The following CBLIF variants were observed in gnomAD, a reference collection of about 807,000 sequenced individuals.
CBLIF encodes the protein cobalamin binding intrinsic factor.
A neutral mutation model predicts 44.9 loss-of-function variants in CBLIF; 24 were observed. The ratio of observed to expected loss-of-function variants is 0.53; its 90% confidence interval spans 0.39 to 0.75. The LOEUF (loss-of-function observed/expected upper bound fraction) is 0.75, where lower values mean the gene tolerates loss of function less well. Among genes scored for constraint, CBLIF ranks in the 30% least tolerant of loss-of-function variants. CBLIF has a pLI of 0.00. For synonymous variants in CBLIF, 183 were observed against 190.9 expected (o/e 0.96, Z 0.34); for missense variants, 481 against 513.0 (o/e 0.94, Z 0.60).
At chr11:59,834,692 T>C (rs536629673) in intron 7 of CBLIF, among the ~76,000 whole-genome samples, 88 of 152,202 alleles carry the variant, frequency 5.8e-4, no homozygotes, top group South Asian at 1.9e-3. Flanking sequence ...GTGCCTGGAC[T>C]ATACCGCCAA....
At chr11:59,842,643 A>G in intron 3 of CBLIF, 60 bp from the exon 4 acceptor site, 1 of 1,545,384 alleles carries the variant, frequency 6.5e-7, no homozygotes. Flanking sequence ...GGACATTTGC[A>G]AAGAAGGAAA....
intron 3 of CBLIF, 89 bp downstream of exon 3, chr11:59,842,939 C>T: frequency 1.2e-6 from 1 of 839,076 alleles, no homozygotes; most frequent in Non-Finnish European, 2.1e-6. Context: ...TTGCCTTTCT[C>T]TCCACCCCCA....
chr11:59,838,235 A>T (rs886587932), intron 5 of CBLIF, among the ~76,000 whole-genome samples: 1 of 152,214 alleles, frequency 6.6e-6, no homozygotes, highest in East Asian at 1.9e-4. Flanking sequence ...ACACCAAGCC[A>T]TTCAGCCATT....
At chr11:59,830,661 A>G (rs1866362407) in intron 8 of CBLIF, among the ~76,000 whole-genome samples, 1 of 152,162 alleles carries the variant, frequency 6.6e-6, no homozygotes, top group Non-Finnish European at 1.5e-5. Flanking sequence ...AATGATGATT[A>G]ATATTTTTGA....
intron 8 of CBLIF, 85 bp downstream of exon 8, chr11:59,831,593 G>A: frequency 1.4e-6 from 1 of 739,000 alleles, no homozygotes; most frequent in Non-Finnish European, 2.5e-6. Flanking sequence ...TTAAGTGAAT[G>A]AATGAATAAA....
At chr11:59,834,020 C>T (rs1225726035) in intron 7 of CBLIF, among the ~76,000 whole-genome samples, 2 of 152,172 alleles carry the variant, frequency 1.3e-5, no homozygotes, top group African/African-American at 4.8e-5. Flanking sequence ...TTACTAACTT[C>T]TTTGGGCCTA....
At chr11:59,833,588 A>G (rs1387828767) in intron 7 of CBLIF, among the ~76,000 whole-genome samples, 1 of 152,112 alleles carries the variant, frequency 6.6e-6, no homozygotes, top group Non-Finnish European at 1.5e-5. Flanking sequence ...AAGTTAGGGA[A>G]GTTATGGAGT....
In CBLIF at chr11:59,831,615, A is replaced by C. The variant is rs935792932; in HGVS notation, c.1192+63T>G. On this transcript the variant is annotated intron_variant, in intron 8 of 8. Coordinates refer to ENST00000257248, the MANE Select transcript of CBLIF (RefSeq NM_005142.3). The stretch of plus-strand genomic sequence containing the variant: ...AATGAATGAATAAATTAAATGAAAA[A>C]ATAATTAAAGAATGTAGCCTTCAGA... The C allele has an allele frequency of 7.6e-6, 6 of 785,722 alleles. No individual in the cohort carries two copies. In the African/African-American group the frequency reaches 1.0e-4, roughly 14 times the overall value. 48.7% of individuals were successfully genotyped at this position (785,722 alleles called of 1,614,324 possible).
intron 5 of CBLIF, among the ~76,000 whole-genome samples, chr11:59,838,447 A>T (rs968476352): frequency 6.6e-6 from 1 of 152,130 alleles, no homozygotes; most frequent in Non-Finnish European, 1.5e-5. Context: ...TAATAGGCTG[A>T]GATTGTTAAT....
intron 6 of CBLIF, among the ~76,000 whole-genome samples, chr11:59,836,553 A>G (rs1440469260): frequency 1.3e-5 from 2 of 152,198 alleles, no homozygotes; most frequent in African/African-American, 4.8e-5. Context: ...TTTTTAATTA[A>G]AAAGTGGCAT....
Position 59,829,566 on chromosome 11 carries a change from A to T in CBLIF, c.1193-21T>A. 3 of 1,527,302 alleles carry T rather than the reference A, an allele frequency of 2.0e-6. No homozygotes were observed. In the South Asian group the frequency reaches 3.4e-5, roughly 17 times the overall value. 94.6% of individuals were successfully genotyped at this position (1,527,302 alleles called of 1,614,324 possible). A position where few individuals can be genotyped will look rare whatever the true frequency, so the allele number is the denominator to read the frequency against. On this transcript the variant is annotated intron_variant, in intron 8 of 8. Coordinates refer to ENST00000257248, the MANE Select transcript of CBLIF (RefSeq NM_005142.3). ...AACCCCTGGAAATAAGCAGAGAATA[A>T]CATGAGGTGACTGTGGTGCATGTAA...
chr11:59,842,446 C>T lies in CBLIF; in HGVS notation c.508G>A (p.Val170Ile), dbSNP rs762982325. The T allele has an allele frequency of 6.2e-7, 1 of 1,613,672 alleles. No homozygotes were observed. The highest frequency in any genetic ancestry group is 8.5e-7 in the Non-Finnish European group (1 of 1,180,028). Reference sequence around the variant, plus strand: ...GGGGTAGTGGTGACCTACTCACCTACATTGAAGGGAGAGGAGTTGGCCAGC... The same window carrying T: ...GGGGTAGTGGTGACCTACTCACCTATATTGAAGGGAGAGGAGTTGGCCAGC... ...TLLANSSPFNVDTGAMATLAL... is the reference protein window; with the variant it reads ...TLLANSSPFNIDTGAMATLAL... Residue 170 changes from valine to isoleucine, a missense_variant, in exon 4 of 9, where the codon GTA becomes ATA. Transcript: ENST00000257248.
chr11:59,836,065 T>C, intron 6 of CBLIF, 56 bp from the exon 7 acceptor site: 1 of 1,397,128 alleles, frequency 7.2e-7, no homozygotes, highest in Non-Finnish European at 1.0e-6. Context: ...GTATCATAGG[T>C]GCAAAATCTC....
intron 7 of CBLIF, among the ~76,000 whole-genome samples, chr11:59,832,593 G>T (rs999461535): frequency 2.8e-4 from 43 of 152,192 alleles, no homozygotes; most frequent in African/African-American, 9.9e-4. Flanking sequence ...TTCGAGACCA[G>T]CCTTGGCAAT....
chr11:59,833,711 T>A (rs1326123031), intron 7 of CBLIF, among the ~76,000 whole-genome samples: 4 of 152,172 alleles, frequency 2.6e-5, no homozygotes, highest in Admixed American at 2.6e-4. Context: ...CTTCTTGATA[T>A]CTTCCTGAAG....
chr11:59,831,281 G>A lies in CBLIF; in HGVS notation c.1192+397C>T, dbSNP rs1429682221. Among the ~76,000 whole-genome samples the A allele has an allele frequency of 3.3e-5, 5 of 152,174 alleles. No individual in the cohort carries two copies. The East Asian group carries it at 9.6e-4, about 29-fold the overall frequency. ...TGGAGATTTTTTTAAGAGAGAAGGT[G>A]AAGCATAAATTTTGAGTGAAACTTT... On this transcript the variant is annotated intron_variant, in intron 8 of 8. Coordinates refer to ENST00000257248, the MANE Select transcript of CBLIF (RefSeq NM_005142.3).
chr11:59,840,593 G>A (rs1366812841), intron 5 of CBLIF, among the ~76,000 whole-genome samples: 1 of 152,110 alleles, frequency 6.6e-6, no homozygotes, highest in Non-Finnish European at 1.5e-5. Context: ...AATTGAATAT[G>A]GACTTGGCTG....
intron 5 of CBLIF, 65 bp downstream of exon 5, chr11:59,841,078 C>T: frequency 8.7e-7 from 1 of 1,151,512 alleles, no homozygotes; most frequent in Admixed American, 1.7e-5. Flanking sequence ...GAAGCCTGGC[C>T]TCTTGATTCT....
intron 5 of CBLIF, among the ~76,000 whole-genome samples, chr11:59,837,986 C>T (rs1866476771): frequency 6.6e-6 from 1 of 152,108 alleles, no homozygotes; most frequent in East Asian, 1.9e-4. Flanking sequence ...TGCTAGTGAC[C>T]ATCTTTCTCA....
Sources: gnomAD v4.1 joint callset for allele counts (sites outside exome capture counted in the v4.1 genomes callset) on GRCh38, gnomAD v4.1.1 for gene constraint, MANE v1.5 for transcripts, NCBI Gene and HGNC (gene_info 2026-07-23, HGNC 2026-07-21) for gene names.